SYNDIG1: variants seen among roughly 807,000 people sequenced by gnomAD.
SYNDIG1 encodes the protein synapse differentiation-inducing gene protein 1.
SYNDIG1 carries 9 observed loss-of-function variants against 19.4 expected under a neutral mutation model. The ratio of observed to expected loss-of-function variants is 0.46; its 90% CI spans 0.28 to 0.81. The LOEUF (loss-of-function observed/expected upper bound fraction) is 0.81. Ranked by LOEUF, SYNDIG1 falls within the 30% of genes least tolerant of loss-of-function variation. The probability of loss-of-function intolerance (pLI) is 0.12; values close to 1 mark genes in which losing one functional copy is unlikely to be tolerated. For synonymous variants in SYNDIG1, 141 were observed against 145.9 expected, an observed-to-expected ratio of 0.97 and a Z score of 0.24; for missense variants, 311 against 343.3, an observed-to-expected ratio of 0.91 and a Z score of 0.74.
At chr20:24,586,913 G>A (rs894034760) in intron 3 of SYNDIG1, among the ~76,000 whole-genome samples, 3 of 152,182 alleles carry the variant, frequency 2.0e-5, no homozygotes, top group African/African-American at 7.2e-5. Context: ...TATGGACAGC[G>A]TCTCTATCCA....
In SYNDIG1 at chr20:24,503,321, C is replaced by T. The variant is rs73901849; in HGVS notation, c.-79+33568C>T. Among the ~76,000 whole-genome samples, 1,217 of 152,220 alleles carry T rather than the reference C, an allele frequency of 8.0e-3. 18 individuals are homozygous for T. The highest frequency in any genetic ancestry group is 0.028 in the African/African-American group (1,156 of 41,520). On this transcript the variant is annotated intron_variant, in intron 1 of 3. Coordinates refer to ENST00000376862, the MANE Select transcript of SYNDIG1 (RefSeq NM_024893.3). Reference sequence around the variant, plus strand: ...CCAGCTAACTAAATGCACAGATGATCCTAACAAGGTGGAGGAAAAAGATCA... The same window carrying T: ...CCAGCTAACTAAATGCACAGATGATTCTAACAAGGTGGAGGAAAAAGATCA...
intron 3 of SYNDIG1, among the ~76,000 whole-genome samples, chr20:24,586,420 A>G (rs1005056459): frequency 6.6e-5 from 10 of 152,074 alleles, no homozygotes; most frequent in African/African-American, 2.4e-4. Flanking sequence ...GTGGCTGTGG[A>G]GTGGATGCAG....
intron 1 of SYNDIG1, among the ~76,000 whole-genome samples, chr20:24,521,576 C>A (rs936492296): frequency 2.1e-5 from 3 of 140,594 alleles, no homozygotes; most frequent in Admixed American, 1.4e-4. Flanking sequence ...GGTTATTCTG[C>A]TAGTATAATA....
intron 1 of SYNDIG1, among the ~76,000 whole-genome samples, chr20:24,510,690 G>A (rs2056723916): frequency 6.6e-6 from 1 of 151,806 alleles, no homozygotes; most frequent in Admixed American, 6.6e-5. Flanking sequence ...TATTATGTAT[G>A]TCTGAATCTG....
intron 1 of SYNDIG1, among the ~76,000 whole-genome samples, chr20:24,470,853 G>A (rs1459255227): frequency 1.3e-5 from 2 of 152,116 alleles, no homozygotes; most frequent in East Asian, 1.9e-4. Context: ...TGCGACGTCA[G>A]ATGCGCTGGC....
At position 24,657,615 on chromosome 20, in the gene SYNDIG1, A is replaced by G. The variant is rs570626940; in HGVS notation, c.619-7731A>G. 2.6e-5 allele frequency among the ~76,000 whole-genome samples: 4 copies of G among 152,272 alleles called. No individual in the cohort carries two copies. The East Asian group carries it at 7.7e-4, about 29-fold the overall frequency. ...AAGGGTTGTTAAAAAGGCAGGGGTC[A>G]TAAAAATAGACCTGGGCCTAAATAC... On this transcript the variant is annotated intron_variant, in intron 3 of 3. Coordinates refer to ENST00000376862, the MANE Select transcript of SYNDIG1 (RefSeq NM_024893.3).
chr20:24,489,918 G>GCTGTGTGCAGTGCA (rs1316763558), intron 1 of SYNDIG1, among the ~76,000 whole-genome samples: 1 of 152,248 alleles, frequency 6.6e-6, no homozygotes, highest in Admixed American at 6.5e-5. Context: ...AGGCCTGGCC[G>GCTGTGTGCAGTGCA]CTGGTGCTGC....
intron 3 of SYNDIG1, among the ~76,000 whole-genome samples, chr20:24,620,609 G>C (rs2059023371): frequency 6.6e-6 from 1 of 152,182 alleles, no homozygotes; most frequent in Admixed American, 6.5e-5. Context: ...AGCATCACTT[G>C]TACTGGACTG....
At chr20:24,551,087 T>TTTC (rs1350251418) in intron 2 of SYNDIG1, among the ~76,000 whole-genome samples, 2 of 152,244 alleles carry the variant, frequency 1.3e-5, no homozygotes, top group African/African-American at 4.8e-5. Context: ...ATTGGTATGA[T>TTTC]TTCTTTTTGT....
chr20:24,559,803 A>G (rs1427202362), intron 2 of SYNDIG1, among the ~76,000 whole-genome samples: 1 of 152,080 alleles, frequency 6.6e-6, no homozygotes, highest in Admixed American at 6.6e-5. Context: ...GTTGCCTTCC[A>G]GCCTCCATTG....
At chr20:24,589,314 T>G (rs1334330871) in intron 3 of SYNDIG1, among the ~76,000 whole-genome samples, 3 of 152,178 alleles carry the variant, frequency 2.0e-5, no homozygotes, top group Non-Finnish European at 4.4e-5. Flanking sequence ...GTAACAGAAA[T>G]CACAGAGGTA....
intron 1 of SYNDIG1, among the ~76,000 whole-genome samples, chr20:24,479,959 C>T (rs1318532327): frequency 3.9e-5 from 6 of 152,226 alleles, no homozygotes; most frequent in Non-Finnish European, 8.8e-5. Context: ...GGTACATGTG[C>T]ACACACAAAT....
chr20:24,508,766 A>G lies in SYNDIG1; in HGVS notation c.-78-34254A>G, dbSNP rs2056668441. Among the ~76,000 whole-genome samples, 4 of 152,206 alleles carry G rather than the reference A, an allele frequency of 2.6e-5. 1 individual carries two copies. The South Asian group carries it at 8.3e-4, about 32-fold the overall frequency. On this transcript the variant is annotated intron_variant, in intron 1 of 3. Coordinates refer to ENST00000376862, the MANE Select transcript of SYNDIG1 (RefSeq NM_024893.3). ...ATAAATATAGTTCTTCAGACTGATA[A>G]AAACCATGAGTGTGCACCAGCTCCC...
chr20:24,629,644 C>T (rs1029673288), intron 3 of SYNDIG1, among the ~76,000 whole-genome samples: 15 of 152,110 alleles, frequency 9.9e-5, no homozygotes, highest in African/African-American at 1.7e-4. Context: ...GCCTGTGCCA[C>T]GCCGTGCTGT....
intron 1 of SYNDIG1, among the ~76,000 whole-genome samples, chr20:24,516,407 G>A (rs2056865510): frequency 6.6e-6 from 1 of 152,156 alleles, no homozygotes; most frequent in Non-Finnish European, 1.5e-5. Context: ...CCTACAGAAT[G>A]GGAGAAAATT....
At chr20:24,508,866 G>A (rs926094854) in intron 1 of SYNDIG1, among the ~76,000 whole-genome samples, 12 of 152,128 alleles carry the variant, frequency 7.9e-5, no homozygotes, top group Admixed American at 2.0e-4. Context: ...AGGTGGAAGC[G>A]GGAGGCTGAA....
At chr20:24,562,853 A>T (rs1420466669) in intron 2 of SYNDIG1, among the ~76,000 whole-genome samples, 1 of 152,214 alleles carries the variant, frequency 6.6e-6, no homozygotes. Flanking sequence ...TGTTACTGTA[A>T]GGCTATAACT....
At chr20:24,588,498 C>T (rs1022666211) in intron 3 of SYNDIG1, among the ~76,000 whole-genome samples, 3 of 152,204 alleles carry the variant, frequency 2.0e-5, no homozygotes, top group Non-Finnish European at 4.4e-5. Context: ...TAGAAATGCA[C>T]ACTGTCTGGT....
At chr20:24,483,982 G>T (rs1197762389) in intron 1 of SYNDIG1, among the ~76,000 whole-genome samples, 1 of 152,192 alleles carries the variant, frequency 6.6e-6, no homozygotes, top group Non-Finnish European at 1.5e-5. Flanking sequence ...AGAGGGTGCA[G>T]GATAGGGCAG....
Sources: allele counts gnomAD v4.1 joint callset (sites outside exome capture counted in the v4.1 genomes callset), GRCh38; gene constraint gnomAD v4.1.1; transcripts MANE v1.5; gene names NCBI Gene and HGNC (gene_info 2026-07-23, HGNC 2026-07-21).